Variants in LARS2 observed in about 807,000 individuals in gnomAD.
LARS2 encodes the protein leucine--tRNA ligase, mitochondrial.
Under a neutral mutation model 116.6 loss-of-function variants are expected in LARS2, and 81 were observed. That is an observed-to-expected ratio of 0.69 (90% CI 0.58 to 0.84). The LOEUF is 0.84. LARS2 is among the 40% of genes least tolerant of loss of function. The pLI, the probability that LARS2 is intolerant of heterozygous loss-of-function variation, is 0.00. For missense variants in LARS2, 968 were observed against 1,114.5 expected, an observed-to-expected ratio of 0.87 and a Z score of 1.87; for synonymous variants, 396 against 407.2, an observed-to-expected ratio of 0.97 and a Z score of 0.33.
chr3:45,414,024 C>T (rs1342241957), intron 4 of LARS2, among the ~76,000 whole-genome samples: 1 of 152,192 alleles, frequency 6.6e-6, no homozygotes, highest in Non-Finnish European at 1.5e-5. Context: ...TGCCATTTGG[C>T]TGTATATGTC....
intron 15 of LARS2, among the ~76,000 whole-genome samples, chr3:45,509,038 G>A (rs186717725): frequency 6.6e-6 from 1 of 151,318 alleles, no homozygotes; most frequent in Admixed American, 6.6e-5. Context: ...TCATCACTGT[G>A]CTTACATATA....
At chr3:45,389,821 C>T (rs1168143838) in intron 1 of LARS2, among the ~76,000 whole-genome samples, 1 of 152,198 alleles carries the variant, frequency 6.6e-6, no homozygotes. Context: ...CTGCTCCTCG[C>T]TGTCAATAAG....
At chr3:45,426,347 A>G (rs1015718484) in intron 6 of LARS2, among the ~76,000 whole-genome samples, 3 of 152,202 alleles carry the variant, frequency 2.0e-5, no homozygotes, top group African/African-American at 7.2e-5. Flanking sequence ...TGCCTTGACA[A>G]CATGTCACAG....
At chr3:45,423,517 T>G (rs1179944308) in intron 6 of LARS2, among the ~76,000 whole-genome samples, 1 of 152,180 alleles carries the variant, frequency 6.6e-6, no homozygotes, top group Non-Finnish European at 1.5e-5. Context: ...CTGCCCATGT[T>G]GTCCAGACTG....
chr3:45,436,750 C>T (rs1575253567), intron 6 of LARS2, among the ~76,000 whole-genome samples: 3 of 149,186 alleles, frequency 2.0e-5, no homozygotes, highest in South Asian at 2.1e-4. Context: ...GCCGAGATTG[C>T]GCCACTGCAG....
chr3:45,389,707 G>GA (rs1194074417), intron 1 of LARS2, among the ~76,000 whole-genome samples: 1 of 152,228 alleles, frequency 6.6e-6, no homozygotes, highest in Non-Finnish European at 1.5e-5. Flanking sequence ...GACGGAACTG[G>GA]AGGAGCCCGA....
At position 45,494,865 on chromosome 3, in the gene LARS2, C is replaced by T. The variant is rs145519959; in HGVS notation, c.1524-1410C>T. Among the ~76,000 whole-genome samples the T allele has an allele frequency of 8.6e-3, 1,305 of 152,190 alleles. 16 individuals carry two copies. The highest frequency in any genetic ancestry group is 0.022 in the African/African-American group (917 of 41,512). On this transcript the variant is annotated intron_variant, in intron 13 of 21. Transcript: ENST00000645846. Reference sequence around the variant, plus strand: ...GGCGGATCACTTGAGGTCAAGAGTTCGAGACCAGCCTGGCCAACATGGTGA... The same window carrying T: ...GGCGGATCACTTGAGGTCAAGAGTTTGAGACCAGCCTGGCCAACATGGTGA...
chr3:45,430,029 T>TTTTTTTTTTTTTTTTTTTTTG (rs1553629354), intron 6 of LARS2, among the ~76,000 whole-genome samples: 1 of 138,762 alleles, frequency 7.2e-6, no homozygotes, highest in African/African-American at 2.8e-5. Flanking sequence ...TTTTTTTTTT[T>TTTTTTTTTTTTTTTTTTTTTG]GAGACAGAGT....
intron 1 of LARS2, among the ~76,000 whole-genome samples, chr3:45,391,242 T>A (rs1228860728): frequency 2.6e-5 from 4 of 151,946 alleles, no homozygotes; most frequent in Non-Finnish European, 5.9e-5. Flanking sequence ...TCCCAGCACT[T>A]TGGGAGGCCA....
chr3:45,545,976 A>AG (rs1700870163), intron 21 of LARS2, among the ~76,000 whole-genome samples: 1 of 151,694 alleles, frequency 6.6e-6, no homozygotes, highest in Non-Finnish European at 1.5e-5. Flanking sequence ...AAAAAAAAAA[A>AG]CTAAGCTCAA....
At chr3:45,432,530 C>T (rs538716077) in intron 6 of LARS2, among the ~76,000 whole-genome samples, 10 of 151,980 alleles carry the variant, frequency 6.6e-5, no homozygotes, top group South Asian at 6.2e-4. Context: ...TTAAACAACA[C>T]GCTCTTAAAC....
chr3:45,527,164 T>C (rs1041365986), intron 20 of LARS2, among the ~76,000 whole-genome samples: 1 of 152,116 alleles, frequency 6.6e-6, no homozygotes, highest in Non-Finnish European at 1.5e-5. Context: ...TTTGGGTTTA[T>C]TACCGGGGGA....
intron 7 of LARS2, among the ~76,000 whole-genome samples, chr3:45,448,094 GAA>G (rs1294841163): frequency 6.6e-6 from 1 of 152,012 alleles, no homozygotes; most frequent in Non-Finnish European, 1.5e-5. Flanking sequence ...CAAAAAGTAG[GAA>G]AAAATTAGTC....
intron 15 of LARS2, among the ~76,000 whole-genome samples, chr3:45,512,500 T>C (rs370590767): frequency 1.3e-5 from 2 of 152,254 alleles, no homozygotes; most frequent in East Asian, 1.9e-4. Context: ...AAACAGGTAC[T>C]ATAAATAAGT....
chr3:45,420,232 C>T (rs1199951084), intron 6 of LARS2, among the ~76,000 whole-genome samples: 1 of 152,202 alleles, frequency 6.6e-6, no homozygotes, highest in African/African-American at 2.4e-5. Context: ...GTGGAGAATT[C>T]CAGACCCACG....
At chr3:45,401,018 A>C (rs755866405) in intron 4 of LARS2, among the ~76,000 whole-genome samples, 3 of 152,116 alleles carry the variant, frequency 2.0e-5, no homozygotes, top group African/African-American at 7.2e-5. Context: ...TCACTGTGTT[A>C]GCCAGGATGG....
At chr3:45,487,288 C>T (rs146954650) in intron 11 of LARS2, among the ~76,000 whole-genome samples, 1 of 152,240 alleles carries the variant, frequency 6.6e-6, no homozygotes, top group East Asian at 1.9e-4. Flanking sequence ...GCCATTTGTC[C>T]TCAACCTTCA....
chr3:45,424,100 G>C (rs1698555704), intron 6 of LARS2, among the ~76,000 whole-genome samples: 1 of 151,702 alleles, frequency 6.6e-6, no homozygotes. Flanking sequence ...AATAAGTAGA[G>C]TGCAAGTCTT....
intron 18 of LARS2, among the ~76,000 whole-genome samples, chr3:45,518,560 G>A (rs1700406549): frequency 6.6e-6 from 1 of 152,142 alleles, no homozygotes; most frequent in Non-Finnish European, 1.5e-5. Context: ...AACGTCACAC[G>A]GCTAGTGAGG....
Sources: allele counts gnomAD v4.1 joint callset (sites outside exome capture counted in the v4.1 genomes callset), GRCh38; gene constraint gnomAD v4.1.1; transcripts MANE v1.5; gene names NCBI Gene and HGNC (gene_info 2026-07-23, HGNC 2026-07-21).